The following KIF13B variants were observed in gnomAD, a reference collection of about 807,000 sequenced individuals.
The protein encoded by KIF13B is kinesin family member 13B.
Under a neutral mutation model 222.0 loss-of-function variants are expected in KIF13B, and 127 were observed. The ratio of observed to expected loss-of-function variants is 0.57; its 90% CI spans 0.50 to 0.66. KIF13B has a LOEUF of 0.66. KIF13B is among the 30% of genes least tolerant of loss of function. The pLI is 0.00. For synonymous variants in KIF13B, 976 were observed against 919.0 expected (o/e 1.06, Z -1.12); for missense variants, 2,173 against 2,379.0 (o/e 0.91, Z 1.80).
intron 13 of KIF13B, among the ~76,000 whole-genome samples, chr8:29,157,830 CA>C (rs901426407): frequency 0.17 from 16,054 of 94,040 alleles, 1,079 homozygotes; most frequent in South Asian, 0.22. Context: ...GACCCTGCCT[CA>C]AAAAAAAAAA....
intron 32 of KIF13B, among the ~76,000 whole-genome samples, chr8:29,113,254 A>C (rs567379351): frequency 2.0e-5 from 3 of 152,210 alleles, no homozygotes; most frequent in African/African-American, 7.2e-5. Flanking sequence ...TTTCAAAAGA[A>C]AGTTCTTCAA....
chr8:29,070,221 G>A lies in KIF13B; in HGVS notation c.*283C>T, dbSNP rs1171616279. On this transcript the variant is annotated 3_prime_UTR_variant, in exon 40 of 40. Coordinates refer to ENST00000524189, the MANE Select transcript of KIF13B (RefSeq NM_015254.4). The surrounding 1 kb of genome is among the most constrained non-coding windows in gnomAD (Gnocchi z 4.1). Reference sequence around the variant, plus strand: ...GCACACAGCAAGATCACCAGGCGCTGCACCACCCAGGGTCTCAGTCCTAGC... The same window carrying A: ...GCACACAGCAAGATCACCAGGCGCTACACCACCCAGGGTCTCAGTCCTAGC... The A allele has an allele frequency of 1.2e-5, 6 of 506,572 alleles. No homozygotes were observed. The highest frequency in any genetic ancestry group is 2.1e-5 in the Non-Finnish European group (6 of 286,736). The allele number at this position is 506,572 out of a possible 1,614,324, so 31.4% of individuals were successfully genotyped here.
At chr8:29,086,563 C>G (rs1432711859) in intron 37 of KIF13B, among the ~76,000 whole-genome samples, 2 of 152,166 alleles carry the variant, frequency 1.3e-5, no homozygotes, top group Non-Finnish European at 2.9e-5. Context: ...TCTTTCATGA[C>G]AGGTGGGAAA....
At chr8:29,259,725 T>A (rs1016513286) in intron 1 of KIF13B, among the ~76,000 whole-genome samples, 1 of 152,238 alleles carries the variant, frequency 6.6e-6, no homozygotes, top group Admixed American at 6.5e-5. Context: ...GTTAATAATG[T>A]ATGAATGGGT....
chr8:29,153,927 AT>A (rs1168070540), intron 14 of KIF13B, among the ~76,000 whole-genome samples: 2 of 152,206 alleles, frequency 1.3e-5, no homozygotes, highest in African/African-American at 4.8e-5. Flanking sequence ...ACCTGGTGAT[AT>A]AGTATTCGTG....
In KIF13B at chr8:29,127,109, T is replaced by C. The variant is rs1197773005; in HGVS notation, c.3222+13A>G. On this transcript the variant is annotated intron_variant, in intron 25 of 39. Transcript: ENST00000524189. ...TGTCTTTCAAGAAGAACATAACAGG[T>C]ATAGAAACTTACATGGAAGGTCTCA... 2.3e-5 allele frequency: 37 copies of C among 1,612,022 alleles called. No homozygotes were observed. The highest frequency in any genetic ancestry group is 3.1e-5 in the Non-Finnish European group (37 of 1,178,854).
chr8:29,155,274 C>T (rs759999633), intron 14 of KIF13B, among the ~76,000 whole-genome samples: 4 of 152,188 alleles, frequency 2.6e-5, no homozygotes, highest in East Asian at 1.9e-4. Context: ...GGTCCGATAC[C>T]TCTTAAGGGC....
chr8:29,099,999 T>G (rs1678031941), intron 35 of KIF13B, among the ~76,000 whole-genome samples: 2 of 152,212 alleles, frequency 1.3e-5, no homozygotes, highest in African/African-American at 2.4e-5. Context: ...CCAGACTGTG[T>G]TTCCACTGAC....
chr8:29,217,992 T>A (rs1437696234), intron 2 of KIF13B, among the ~76,000 whole-genome samples: 1 of 152,226 alleles, frequency 6.6e-6, no homozygotes, highest in Non-Finnish European at 1.5e-5. Flanking sequence ...GGGTGTCAAC[T>A]GATTCCCCTT....
chr8:29,093,464 G>A (rs1246555979), intron 36 of KIF13B, among the ~76,000 whole-genome samples: 1 of 152,080 alleles, frequency 6.6e-6, no homozygotes, highest in Non-Finnish European at 1.5e-5. Context: ...GTACAGACAG[G>A]TATACTTATG....
chr8:29,074,379 T>G (rs1403039661), intron 38 of KIF13B, among the ~76,000 whole-genome samples: 2 of 152,234 alleles, frequency 1.3e-5, no homozygotes, highest in Non-Finnish European at 2.9e-5. Flanking sequence ...AAGCACAGAC[T>G]GGCACTCCAG....
In KIF13B at chr8:29,092,896, GA is replaced by G; in HGVS notation, c.4325-19del. On this transcript the variant is annotated intron_variant, in intron 36 of 39. Transcript: ENST00000524189. ...ACTGAGTCCTGCCCATATTACAGGG[GA>G]AAAAGATAAAACAAATACAATTACA... 2 of 1,585,846 alleles carry G rather than the reference GA, an allele frequency of 1.3e-6. No individual in the cohort carries two copies. Among genetic ancestry groups the G allele is most frequent in the South Asian group, 1.2e-5 (1 of 86,756 alleles).
intron 2 of KIF13B, among the ~76,000 whole-genome samples, chr8:29,203,476 G>GA (rs1437619678): frequency 1.3e-5 from 2 of 152,106 alleles, no homozygotes; most frequent in Non-Finnish European, 2.9e-5. Context: ...GTATTATGGG[G>GA]AAAATAAAAC....
intron 2 of KIF13B, among the ~76,000 whole-genome samples, chr8:29,232,998 A>G (rs1244192688): frequency 6.6e-6 from 1 of 152,216 alleles, no homozygotes; most frequent in Non-Finnish European, 1.5e-5. Context: ...TCTACTAAAA[A>G]TACAAAAATT....
chr8:29,086,431 G>A (rs1808051436), intron 37 of KIF13B, among the ~76,000 whole-genome samples: 1 of 152,148 alleles, frequency 6.6e-6, no homozygotes. Flanking sequence ...TGAGGTTAGA[G>A]GATCACCTGA....
intron 17 of KIF13B, 34 bp downstream of exon 17, chr8:29,147,358 C>CTTTA: frequency 6.6e-7 from 1 of 1,521,896 alleles, no homozygotes; most frequent in African/African-American, 1.4e-5. Flanking sequence ...CAAGCCTGAG[C>CTTTA]TATAAAGTTA....
intron 4 of KIF13B, among the ~76,000 whole-genome samples, 166 bp from the exon 5 acceptor site, chr8:29,188,773 T>C (rs1563772156): frequency 6.6e-6 from 1 of 152,242 alleles, no homozygotes; most frequent in East Asian, 1.9e-4. Flanking sequence ...TTCCAGGTTA[T>C]TTCTAGTTAG....
intron 2 of KIF13B, among the ~76,000 whole-genome samples, chr8:29,231,255 C>T (rs1815272044): frequency 6.6e-6 from 1 of 152,204 alleles, no homozygotes; most frequent in South Asian, 2.1e-4. Context: ...TAGATGAAGG[C>T]TACCATACGG....
At chr8:29,080,199 G>T (rs189579063) in intron 37 of KIF13B, among the ~76,000 whole-genome samples, 1 of 151,988 alleles carries the variant, frequency 6.6e-6, no homozygotes, top group East Asian at 1.9e-4. Context: ...TTAGCTGGGC[G>T]TGGTGGTGCA....
Sources: allele counts gnomAD v4.1 joint callset (sites outside exome capture counted in the v4.1 genomes callset), GRCh38; gene constraint gnomAD v4.1.1; non-coding constraint Gnocchi (gnomAD v3.1); transcripts MANE v1.5; gene names NCBI Gene and HGNC (gene_info 2026-07-23, HGNC 2026-07-21).